Variants in PCCA observed in about 807,000 individuals in gnomAD.
PCCA encodes propionyl-CoA carboxylase alpha chain, mitochondrial.
Under a neutral mutation model 101.3 loss-of-function variants are expected in PCCA, and 74 were observed. That is an observed-to-expected ratio of 0.73 (90% CI 0.61 to 0.89). PCCA has a LOEUF of 0.89. Ranked by LOEUF, PCCA falls within the 40% of genes least tolerant of loss-of-function variation. The pLI is 0.00. For synonymous variants in PCCA, 294 were observed against 313.6 expected (o/e 0.94, Z 0.66); for missense variants, 891 against 907.0 (o/e 0.98, Z 0.23).
At chr13:100,447,338 T>A (rs1186518307) in intron 20 of PCCA, among the ~76,000 whole-genome samples, 4 of 147,772 alleles carry the variant, frequency 2.7e-5, no homozygotes, top group Non-Finnish European at 4.5e-5. Flanking sequence ...GAGCCGAGAT[T>A]GTGCCACTGC....
At chr13:100,100,432 C>A (rs1453828432) in intron 1 of PCCA, among the ~76,000 whole-genome samples, 1 of 152,182 alleles carries the variant, frequency 6.6e-6, no homozygotes, top group East Asian at 1.9e-4. Context: ...TTTCTCAGAA[C>A]CTTTGTTGCT....
At chr13:100,344,480 C>T (rs144508227) in intron 18 of PCCA, among the ~76,000 whole-genome samples, 19 of 152,238 alleles carry the variant, frequency 1.2e-4, no homozygotes, top group Admixed American at 8.5e-4. Context: ...CCCCTTTGAG[C>T]CCATTAGGAA....
At chr13:100,346,145 A>C (rs1326703404) in intron 18 of PCCA, among the ~76,000 whole-genome samples, 1 of 152,178 alleles carries the variant, frequency 6.6e-6, no homozygotes, top group Non-Finnish European at 1.5e-5. Flanking sequence ...TTGATTTTCA[A>C]GTCTTATTAT....
intron 21 of PCCA, among the ~76,000 whole-genome samples, chr13:100,504,340 A>G (rs538289953): frequency 6.6e-6 from 1 of 152,330 alleles, no homozygotes; most frequent in Admixed American, 6.5e-5. Flanking sequence ...TGAGAATTGA[A>G]TAGAAGGCCA....
chr13:100,513,513 A>AT (rs2086627827), intron 21 of PCCA, among the ~76,000 whole-genome samples: 1 of 152,242 alleles, frequency 6.6e-6, no homozygotes, highest in Non-Finnish European at 1.5e-5. Context: ...AATTATAAAA[A>AT]TAGTAAAAGG....
chr13:100,448,036 T>C (rs1371814659), intron 20 of PCCA, among the ~76,000 whole-genome samples: 1 of 152,200 alleles, frequency 6.6e-6, no homozygotes, highest in Non-Finnish European at 1.5e-5. Flanking sequence ...CCACTAATAC[T>C]CTACATCTGG....
In PCCA at chr13:100,262,805, G is replaced by T. The variant is rs1455121521; in HGVS notation, c.793G>T (p.Asp265Tyr). ...DDRLLIEKFI[D>Y]NPRHIEIQVL... ...TAGACTACTAATAGAAAAATTTATT[G>T]ATAATCCTCGTCATATAGAAATCCA... Residue 265 changes from aspartate (D) to tyrosine (Y), a missense_variant, in exon 10 of 24, where the codon GAT (aspartate) becomes TAT (tyrosine). Asp to Tyr is a radical substitution (Grantham distance 160). Coordinates refer to ENST00000376285, the MANE Select transcript of PCCA (RefSeq NM_000282.4). 2 of 1,488,216 alleles carry T rather than the reference G, an allele frequency of 1.3e-6. No individual in the cohort carries two copies. Among genetic ancestry groups the T allele is most frequent in the South Asian group, 1.1e-5 (1 of 87,694 alleles). The allele number at this position is 1,488,216 out of a possible 1,614,324, so 92.2% of individuals were successfully genotyped here.
chr13:100,361,298 C>T (rs904536831), intron 18 of PCCA, among the ~76,000 whole-genome samples: 3 of 151,902 alleles, frequency 2.0e-5, no homozygotes, highest in South Asian at 2.1e-4. Context: ...TTAACAGTAA[C>T]ATTGATATTG....
At chr13:100,280,533 G>A (rs576595355) in intron 12 of PCCA, among the ~76,000 whole-genome samples, 2 of 152,022 alleles carry the variant, frequency 1.3e-5, no homozygotes, top group South Asian at 4.2e-4. Context: ...ACACACACCT[G>A]TCTCCCCTCT....
chr13:100,318,474 C>T (rs2067631548), intron 16 of PCCA, among the ~76,000 whole-genome samples: 1 of 125,054 alleles, frequency 8.0e-6, no homozygotes, highest in Non-Finnish European at 1.7e-5. Context: ...AATGCTATCC[C>T]TCCCCCCTCC....
intron 6 of PCCA, among the ~76,000 whole-genome samples, chr13:100,189,848 A>T (rs1422269457): frequency 6.6e-6 from 1 of 152,158 alleles, no homozygotes; most frequent in African/African-American, 2.4e-5. Context: ...CACCTTTTTC[A>T]GCTTAAGATC....
intron 20 of PCCA, among the ~76,000 whole-genome samples, chr13:100,426,467 T>C (rs2079154708): frequency 6.6e-6 from 1 of 152,194 alleles, no homozygotes; most frequent in Admixed American, 6.5e-5. Context: ...AAAATCATCT[T>C]AACTTGATTT....
At chr13:100,366,723 A>G (rs1267003098) in intron 18 of PCCA, among the ~76,000 whole-genome samples, 1 of 151,952 alleles carries the variant, frequency 6.6e-6, no homozygotes, top group Non-Finnish European at 1.5e-5. Flanking sequence ...CCCCTGAAAC[A>G]GTTCTTTTCA....
chr13:100,518,406 T>C (rs2086992542), intron 22 of PCCA, among the ~76,000 whole-genome samples: 1 of 152,198 alleles, frequency 6.6e-6, no homozygotes, highest in Non-Finnish European at 1.5e-5. Context: ...GGGCGCTTGG[T>C]GTGGCAGGGC....
intron 19 of PCCA, among the ~76,000 whole-genome samples, chr13:100,377,684 CAG>C (rs2076002378): frequency 6.6e-6 from 1 of 151,942 alleles, no homozygotes; most frequent in Non-Finnish European, 1.5e-5. Flanking sequence ...TTAGTAGAGA[CAG>C]GGTTTCACCG....
chr13:100,339,379 C>T (rs184827478), intron 17 of PCCA, among the ~76,000 whole-genome samples: 57 of 152,282 alleles, frequency 3.7e-4, no homozygotes, highest in African/African-American at 1.3e-3. Context: ...CCATTTAATA[C>T]TCTACTATCT....
At chr13:100,199,018 C>G (rs1271212235) in intron 6 of PCCA, among the ~76,000 whole-genome samples, 1 of 151,530 alleles carries the variant, frequency 6.6e-6, no homozygotes, top group Non-Finnish European at 1.5e-5. Flanking sequence ...TGCTCCTAGT[C>G]CGTGTGTTGA....
chr13:100,342,268 TG>T (rs1314120266), intron 18 of PCCA, among the ~76,000 whole-genome samples: 1 of 151,956 alleles, frequency 6.6e-6, no homozygotes, highest in African/African-American at 2.4e-5. Flanking sequence ...GTACAGTTTT[TG>T]TTTTTGTTTT....
chr13:100,278,767 C>T (rs1319479748), intron 12 of PCCA, among the ~76,000 whole-genome samples: 6 of 152,156 alleles, frequency 3.9e-5, no homozygotes, highest in Non-Finnish European at 7.4e-5. Context: ...CGTGAGCCTC[C>T]GTGCCCATCC....
Sources: allele counts gnomAD v4.1 joint callset (sites outside exome capture counted in the v4.1 genomes callset), GRCh38; gene constraint gnomAD v4.1.1; transcripts MANE v1.5; gene names NCBI Gene and HGNC (gene_info 2026-07-23, HGNC 2026-07-21).